Variants in MAEA observed in about 807,000 individuals in gnomAD.
The protein encoded by MAEA is E3 ubiquitin-protein transferase MAEA.
A neutral mutation model predicts 46.2 loss-of-function variants in MAEA; 22 were observed. The ratio of observed to expected loss-of-function variants is 0.48; its 90% CI spans 0.34 to 0.68. The LOEUF is 0.68. MAEA is among the 30% of genes least tolerant of loss of function. MAEA has a pLI of 0.01. For missense variants in MAEA, 393 were observed against 558.1 expected, an observed-to-expected ratio of 0.70 and a Z score of 2.98; for synonymous variants, 246 against 222.6, an observed-to-expected ratio of 1.11 and a Z score of -0.94.
At chr4:1,315,288 C>T in intron 2 of MAEA, 109 bp from the exon 3 acceptor site, 1 of 1,051,556 alleles carries the variant, frequency 9.5e-7, no homozygotes, top group Non-Finnish European at 1.4e-6. Context: ...GTCCCGTAAT[C>T]CCTGCTTTTC....
chr4:1,294,884 C>T (rs1420974723), intron 1 of MAEA, among the ~76,000 whole-genome samples: 1 of 151,842 alleles, frequency 6.6e-6, no homozygotes, highest in Non-Finnish European at 1.5e-5. Context: ...AGCTGGTTGG[C>T]GGAGCTAAGT....
At chr4:1,299,133 C>T (rs992366733) in intron 1 of MAEA, among the ~76,000 whole-genome samples, 1 of 152,314 alleles carries the variant, frequency 6.6e-6, no homozygotes, top group African/African-American at 2.4e-5. Flanking sequence ...CCCTCCTGGG[C>T]GTCCAAAAGT....
chr4:1,314,871 C>T (rs915174235), intron 2 of MAEA, among the ~76,000 whole-genome samples: 1 of 152,150 alleles, frequency 6.6e-6, no homozygotes, highest in Admixed American at 6.5e-5. Context: ...AGTCAGTCGC[C>T]GTGTGTGCTG....
At chr4:1,318,115 C>A (rs1393256387) in intron 3 of MAEA, among the ~76,000 whole-genome samples, 1 of 148,182 alleles carries the variant, frequency 6.7e-6, no homozygotes, top group Non-Finnish European at 1.5e-5. Context: ...TGCCCGGCTT[C>A]CCCCAATGCA....
intron 1 of MAEA, among the ~76,000 whole-genome samples, chr4:1,292,334 C>G (rs1277937946): frequency 1.3e-5 from 2 of 152,206 alleles, no homozygotes; most frequent in Non-Finnish European, 2.9e-5. Flanking sequence ...AGCAGTAACA[C>G]TTGGGATGTC....
chr4:1,309,825 A>T, intron 1 of MAEA: 3 of 1,363,742 alleles, frequency 2.2e-6, no homozygotes, highest in Non-Finnish European at 2.9e-6. Flanking sequence ...GCAGCACACC[A>T]GCTGCCCGGA....
intron 7 of MAEA, 64 bp from the exon 8 acceptor site, chr4:1,338,358 A>G: frequency 1.4e-5 from 19 of 1,369,480 alleles, no homozygotes; most frequent in Non-Finnish European, 1.7e-5. Context: ...GAGTGGCCAC[A>G]GGGGGCTGGG....
chr4:1,307,709 G>A lies in MAEA; in HGVS notation c.70-4270G>A, dbSNP rs574102861. Among the ~76,000 whole-genome samples, 11 of 152,330 alleles carry A rather than the reference G, an allele frequency of 7.2e-5. No individual in the cohort carries two copies. The South Asian group carries it at 2.3e-3, about 32-fold the overall frequency. On this transcript the variant is annotated intron_variant, in intron 1 of 8. Coordinates refer to ENST00000303400, the MANE Select transcript of MAEA (RefSeq NM_001017405.3). ...AGCCAAAGGCCTGAGAACCCTGGGG[G>A]GATGCTGGTGTAAGTCCCAACATCC...
At chr4:1,305,323 G>A (rs1735722742) in intron 1 of MAEA, among the ~76,000 whole-genome samples, 1 of 152,202 alleles carries the variant, frequency 6.6e-6, no homozygotes, top group South Asian at 2.1e-4. Context: ...AGGGTGCCTT[G>A]TGAGTGGAGC....
chr4:1,290,760 C>T (rs1317146541), intron 1 of MAEA, among the ~76,000 whole-genome samples: 1 of 152,208 alleles, frequency 6.6e-6, no homozygotes, highest in Non-Finnish European at 1.5e-5. Flanking sequence ...CTGGTGTTCA[C>T]GTCCGTCTGA....
intron 1 of MAEA, among the ~76,000 whole-genome samples, chr4:1,302,123 A>T (rs1031989701): frequency 1.3e-5 from 2 of 152,222 alleles, no homozygotes; most frequent in Admixed American, 1.3e-4. Context: ...AAACTAAGAA[A>T]ATCTAAGAAA....
At chr4:1,312,380 A>AG in intron 2 of MAEA, 1 of 541,136 alleles carries the variant, frequency 1.8e-6, no homozygotes, top group Non-Finnish European at 3.3e-6. Context: ...GAGTGTCCAG[A>AG]GTCCAGGCCA....
chr4:1,291,648 T>A (rs957719237), intron 1 of MAEA, among the ~76,000 whole-genome samples: 5 of 152,170 alleles, frequency 3.3e-5, no homozygotes, highest in African/African-American at 1.2e-4. Flanking sequence ...TCACTTCTGG[T>A]ACTGGCTGGT....
intron 1 of MAEA, among the ~76,000 whole-genome samples, chr4:1,303,481 G>A (rs554548380): frequency 1.3e-5 from 2 of 151,878 alleles, no homozygotes; most frequent in South Asian, 2.1e-4. Context: ...ATAGGTATAC[G>A]AATACCACGG....
chr4:1,305,920 G>C (rs1275620506), intron 1 of MAEA, among the ~76,000 whole-genome samples: 2 of 152,196 alleles, frequency 1.3e-5, no homozygotes, highest in Non-Finnish European at 2.9e-5. Flanking sequence ...TTTTAACCCG[G>C]AAGCTGTCGG....
rs1039164339 is a variant in MAEA, at chr4:1,339,474, C to T, written c.*305C>T. The T allele has an allele frequency of 8.4e-5, 33 of 391,364 alleles. No homozygotes were observed. Among genetic ancestry groups the T allele is most frequent in the African/African-American group, 6.0e-4 (29 of 48,250 alleles). The allele number at this position is 391,364 out of a possible 1,614,324, so 24.2% of individuals were successfully genotyped here. Reference sequence around the variant, plus strand: ...CTAAACACCGAGGGAAACTTAAGAACGTTTAAAATATAGGAGTCCGTGATT... The same window carrying T: ...CTAAACACCGAGGGAAACTTAAGAATGTTTAAAATATAGGAGTCCGTGATT... On this transcript the variant is annotated 3_prime_UTR_variant, in exon 9 of 9. Coordinates refer to ENST00000303400, the MANE Select transcript of MAEA (RefSeq NM_001017405.3).
rs1172345061 is a variant in MAEA, at chr4:1,334,147, CCCCTGCAT to C, written c.765+1285_765+1292del. Among the ~76,000 whole-genome samples, 13 of 85,728 alleles carry C rather than the reference CCCCTGCAT, an allele frequency of 1.5e-4. 4 individuals carry two copies. Among genetic ancestry groups the C allele is most frequent in the African/African-American group, 5.7e-4 (12 of 21,162 alleles). 56.2% of individuals were successfully genotyped at this position (85,728 alleles called of 152,430 possible). A position where few individuals can be genotyped will look rare whatever the true frequency, so the allele number is the denominator to read the frequency against. On this transcript the variant is annotated intron_variant, in intron 6 of 8. Transcript: ENST00000303400. Reference sequence around the variant, plus strand: ...CCACCCCATGCCCACCATGTGCTCACCCCTGCATCCACCCCCATGCCCACCCCTGTGCT... The same window carrying C: ...CCACCCCATGCCCACCATGTGCTCACCCACCCCCATGCCCACCCCTGTGCT...
chr4:1,315,140 C>T (rs939054580), intron 2 of MAEA, among the ~76,000 whole-genome samples: 1 of 152,210 alleles, frequency 6.6e-6, no homozygotes, highest in Non-Finnish European at 1.5e-5. Context: ...AACATGGCTT[C>T]AGGGTATATT....
intron 5 of MAEA, among the ~76,000 whole-genome samples, chr4:1,327,957 GC>G (rs1422671850): frequency 6.6e-6 from 1 of 152,226 alleles, no homozygotes; most frequent in African/African-American, 2.4e-5. Context: ...CCCCGTGGCT[GC>G]CAGGGGAACC....
Sources: gnomAD v4.1 joint callset for allele counts (sites outside exome capture counted in the v4.1 genomes callset) on GRCh38, gnomAD v4.1.1 for gene constraint, MANE v1.5 for transcripts, NCBI Gene and HGNC (gene_info 2026-07-23, HGNC 2026-07-21) for gene names.